Variants in CELF5 observed in about 807,000 individuals in gnomAD.
The protein encoded by CELF5 is CUGBP Elav-like family member 5, also known as CUG-BP and ETR-3 like factor 5.
A neutral mutation model predicts 54.9 loss-of-function variants in CELF5; 6 were observed. The observed-to-expected ratio is 0.11, with a 90% CI of 0.06 to 0.22. CELF5 has a LOEUF of 0.22. Ranked by LOEUF, CELF5 falls within the 10% of genes least tolerant of loss-of-function variation. The probability of loss-of-function intolerance (pLI) is 1.00; values close to 1 mark genes in which losing one functional copy is unlikely to be tolerated. For missense variants in CELF5, 401 were observed against 678.6 expected (o/e 0.59, Z 4.54); for synonymous variants, 271 against 290.9 (o/e 0.93, Z 0.70).
At chr19:3,285,057 T>C (rs950749026) in intron 9 of CELF5, 93 bp downstream of exon 9, 2 of 936,472 alleles carry the variant, frequency 2.1e-6, no homozygotes, top group Non-Finnish European at 1.6e-6. Flanking sequence ...GTCGTTCTTC[T>C]GTGCCTAGCC....
rs748096325 is a variant in CELF5 at position 3,282,458 on chromosome 19, C to T, written c.999C>T (p.Ala333=). ...GVVPFPGGHP[A]LETVYANGLV... is the part of the protein sequence containing the mutation. ...TGCCCTTTCCAGGTGGGCACCCTGCCCTGGAAACCGTCTATGCCAATGGCC... is the reference window on the plus strand; with the variant it reads ...TGCCCTTTCCAGGTGGGCACCCTGCTCTGGAAACCGTCTATGCCAATGGCC... Residue 333 remains alanine (A), a synonymous_variant, in exon 8 of 13, where the codon GCC becomes GCT. Transcript: ENST00000292672. The surrounding 1 kb of genome is among the most constrained non-coding windows in gnomAD (Gnocchi z 5.2). 6.2e-7 allele frequency: 1 copy of T among 1,613,770 alleles called. No individual in the cohort carries two copies. Among genetic ancestry groups the T allele is most frequent in the South Asian group, 1.1e-5 (1 of 91,078 alleles).
At position 3,278,558 on chromosome 19, in the gene CELF5, G is replaced by A. The variant is rs140874510; in HGVS notation, c.603+448G>A. Among the ~76,000 whole-genome samples, 7 of 152,176 alleles carry A rather than the reference G, an allele frequency of 4.6e-5. No homozygotes were observed. Among genetic ancestry groups the A allele is most frequent in the Admixed American group, 1.3e-4 (2 of 15,274 alleles). ...TGTGCTAGTGTAGAGATACTAGTGC[G>A]TGTGCGTGTATGAGAGTGTACATGT... On this transcript the variant is annotated intron_variant, in intron 5 of 12. Transcript: ENST00000292672. The surrounding 1 kb of genome is among the most constrained non-coding windows in gnomAD (Gnocchi z 4.5).
At chr19:3,269,618 T>C (rs557530158) in intron 2 of CELF5, among the ~76,000 whole-genome samples, 83 of 152,262 alleles carry the variant, frequency 5.5e-4, no homozygotes, top group African/African-American at 1.9e-3. Context: ...TTTCCCCATC[T>C]CTAGCATACA....
chr19:3,281,416 C>T lies in CELF5; in HGVS notation c.750+71C>T, dbSNP rs1599470625. 1 of 1,501,784 alleles carries T rather than the reference C, an allele frequency of 6.7e-7. No homozygotes were observed. The highest frequency in any genetic ancestry group is 2.3e-5 in the East Asian group (1 of 43,670). The allele number at this position is 1,501,784 out of a possible 1,614,324, so 93.0% of individuals were successfully genotyped here. A position where few individuals can be genotyped will look rare whatever the true frequency, so the allele number is the denominator to read the frequency against. On this transcript the variant is annotated intron_variant, in intron 6 of 12. Transcript: ENST00000292672. This position sits in a 1 kb window ranked among gnomAD's most constrained non-coding sequence, Gnocchi z 6.5. ...CAGTCTCTGTCTACTCTCTGTCGGG[C>T]TCCTGCCTCTCCCTCCATCTCCCTG...
In CELF5 at chr19:3,278,328, A is replaced by C. The variant is rs1423717472; in HGVS notation, c.603+218A>C. ...GTGCAGATGTGGAGGTGAGTAGGCA[A>C]GCGAAGTGTATGTGTGTGCATGGAT... On this transcript the variant is annotated intron_variant, in intron 5 of 12. Transcript: ENST00000292672. This position sits in a 1 kb window ranked among gnomAD's most constrained non-coding sequence, Gnocchi z 4.5. Among the ~76,000 whole-genome samples, 1 of 151,952 alleles carries C rather than the reference A, an allele frequency of 6.6e-6. No homozygotes were observed. Among genetic ancestry groups the C allele is most frequent in the East Asian group, 1.9e-4 (1 of 5,188 alleles).
rs1239981192 is a variant in CELF5, at chr19:3,271,079, GCAA to G, written c.343-2786_343-2784del. 2.0e-5 allele frequency among the ~76,000 whole-genome samples: 3 copies of G among 151,742 alleles called. No homozygotes were observed. In the East Asian group the frequency reaches 5.8e-4, roughly 30 times the overall value. ...TCGCCCCTAAGAGGCGGTTTCCATG[GCAA>G]CAACAATTGCCAGCTTCCGTGTGGT... On this transcript the variant is annotated intron_variant, in intron 2 of 12. Coordinates refer to ENST00000292672, the MANE Select transcript of CELF5 (RefSeq NM_021938.4).
intron 1 of CELF5, 88 bp from the exon 2 acceptor site, chr19:3,250,892 GGTTGC>G: frequency 3.2e-6 from 2 of 626,086 alleles, no homozygotes; most frequent in East Asian, 3.0e-5. Context: ...TGGAAGCTTG[GGTTGC>G]TTCCACCTAG....
chr19:3,255,446 A>T (rs899368999), intron 2 of CELF5, among the ~76,000 whole-genome samples: 2 of 152,238 alleles, frequency 1.3e-5, no homozygotes, highest in South Asian at 4.1e-4. Flanking sequence ...GGCCTCCCAA[A>T]GTGCTAGGAT....
intron 2 of CELF5, among the ~76,000 whole-genome samples, chr19:3,259,334 G>A (rs1027976427): frequency 2.6e-5 from 4 of 152,164 alleles, no homozygotes; most frequent in South Asian, 4.2e-4. Context: ...ACTTGGGGAG[G>A]AGATGCACCT....
rs2080151309 is a variant in CELF5 at position 3,281,443 on chromosome 19, C to G, written c.750+98C>G. 2 of 1,353,654 alleles carry G rather than the reference C, an allele frequency of 1.5e-6. No individual in the cohort carries two copies. The highest frequency in any genetic ancestry group is 1.9e-5 in the Admixed American group (1 of 51,750). 83.9% of individuals were successfully genotyped at this position (1,353,654 alleles called of 1,614,324 possible). A position where few individuals can be genotyped will look rare whatever the true frequency, so the allele number is the denominator to read the frequency against. ...CCTGCCTCTCCCTCCATCTCCCTGA[C>G]TCAGGGTCCTCTCCTGGCGTGGCTG... On this transcript the variant is annotated intron_variant, in intron 6 of 12. Coordinates refer to ENST00000292672, the MANE Select transcript of CELF5 (RefSeq NM_021938.4). The surrounding 1 kb of genome is among the most constrained non-coding windows in gnomAD (Gnocchi z 6.5).
intron 1 of CELF5, among the ~76,000 whole-genome samples, chr19:3,248,756 G>C (rs143059342): frequency 1.3e-5 from 2 of 152,006 alleles, no homozygotes; most frequent in African/African-American, 4.8e-5. Context: ...GCTGGCTTCC[G>C]TGGTAATTTT....
rs759820943 is a variant in CELF5 at position 3,278,154 on chromosome 19, G to A, written c.603+44G>A. On this transcript the variant is annotated intron_variant, in intron 5 of 12. Coordinates refer to ENST00000292672, the MANE Select transcript of CELF5 (RefSeq NM_021938.4). The surrounding 1 kb of genome is among the most constrained non-coding windows in gnomAD (Gnocchi z 4.5). ...TGGCCGTGGGGGTGGGGGTGGGAAA[G>A]GGGTGAGGGGGACAGGGATGAAACA... 16 of 1,241,680 alleles carry A rather than the reference G, an allele frequency of 1.3e-5. No homozygotes were observed. The highest frequency in any genetic ancestry group is 1.9e-5 in the Non-Finnish European group (16 of 864,182). 76.9% of individuals were successfully genotyped at this position (1,241,680 alleles called of 1,614,324 possible). A position where few individuals can be genotyped will look rare whatever the true frequency, so the allele number is the denominator to read the frequency against.
chr19:3,266,207 C>A (rs932710507), intron 2 of CELF5, among the ~76,000 whole-genome samples: 4 of 152,110 alleles, frequency 2.6e-5, no homozygotes, highest in African/African-American at 9.7e-5. Context: ...CATGGAAAGG[C>A]GGTAACTTCT....
chr19:3,238,802 G>C (rs1379970034), intron 1 of CELF5, among the ~76,000 whole-genome samples: 1 of 152,086 alleles, frequency 6.6e-6, no homozygotes, highest in Non-Finnish European at 1.5e-5. Flanking sequence ...GTGGCGGCGG[G>C]TGCCTGTAAT....
At chr19:3,296,348 A>AC (rs1428679947) in intron 12 of CELF5, 2 of 148,938 alleles carry the variant, frequency 1.3e-5, no homozygotes, top group Non-Finnish European at 3.0e-5. Context: ...AAAAAAAAAA[A>AC]AAAAAAACCA....
chr19:3,274,121 G>C (rs1183750305), intron 3 of CELF5, among the ~76,000 whole-genome samples, 198 bp downstream of exon 3: 3 of 151,870 alleles, frequency 2.0e-5, no homozygotes, highest in Non-Finnish European at 4.4e-5. Flanking sequence ...GCAGGTTCCA[G>C]AGAGCAGAAG....
At position 3,278,701 on chromosome 19, in the gene CELF5, T is replaced by G. The variant is rs960856513; in HGVS notation, c.603+591T>G. ...GGTTTGTGTGTGTGTGTGTGTGTGT[T>G]TGTGTGTGTGCATGACTGTGAGTGT... On this transcript the variant is annotated intron_variant, in intron 5 of 12. Coordinates refer to ENST00000292672, the MANE Select transcript of CELF5 (RefSeq NM_021938.4). The surrounding 1 kb of genome is among the most constrained non-coding windows in gnomAD (Gnocchi z 4.5). Among the ~76,000 whole-genome samples the G allele has an allele frequency of 1.8e-4, 21 of 116,362 alleles. 1 individual carries two copies. The highest frequency in any genetic ancestry group is 9.6e-4 in the Admixed American group (11 of 11,446). 76.3% of individuals were successfully genotyped at this position (116,362 alleles called of 152,430 possible). A position where few individuals can be genotyped will look rare whatever the true frequency, so the allele number is the denominator to read the frequency against.
Position 3,297,017 on chromosome 19 carries a change from A to G in CELF5, c.*300A>G, listed in dbSNP as rs1201187292. 1.6e-3 allele frequency: 24 copies of G among 14,546 alleles called. No individual in the cohort carries two copies. Among genetic ancestry groups the G allele is most frequent in the African/African-American group, 5.7e-3 (21 of 3,660 alleles). 0.9% of individuals were successfully genotyped at this position (14,546 alleles called of 1,614,324 possible). On this transcript the variant is annotated 3_prime_UTR_variant, in exon 13 of 13. Transcript: ENST00000292672. Reference sequence around the variant, plus strand: ...CAAAACGCCTCTCTTTGGTCTGGAGAAAAAAAAAAAAAAAAAAAAACAACT... The same window carrying G: ...CAAAACGCCTCTCTTTGGTCTGGAGGAAAAAAAAAAAAAAAAAAAACAACT...
intron 2 of CELF5, 68 bp downstream of exon 2, chr19:3,251,135 G>C: frequency 3.4e-6 from 4 of 1,181,942 alleles, no homozygotes; most frequent in Non-Finnish European, 3.8e-6. Context: ...TGGGAGCCAA[G>C]GCTCTTCCTG....
Sources: allele counts gnomAD v4.1 joint callset (sites outside exome capture counted in the v4.1 genomes callset), GRCh38; gene constraint gnomAD v4.1.1; non-coding constraint Gnocchi (gnomAD v3.1); transcripts MANE v1.5; gene names NCBI Gene and HGNC (gene_info 2026-07-23, HGNC 2026-07-21).